Variants in MICAL2 observed in about 807,000 individuals in gnomAD.
MICAL2 encodes microtubule associated monooxygenase, calponin and LIM domain containing 2, also known as [F-actin]-monooxygenase MICAL2.
MICAL2 carries 77 observed loss-of-function variants against 127.3 expected under a neutral mutation model. The observed-to-expected ratio is 0.60, with a 90% confidence interval of 0.50 to 0.73. MICAL2 has a LOEUF of 0.73. Ranked by LOEUF, MICAL2 falls within the 30% of genes least tolerant of loss-of-function variation. The probability of loss-of-function intolerance (pLI) is 0.00; values close to 1 mark genes in which losing one functional copy is unlikely to be tolerated. For synonymous variants in MICAL2, 570 were observed against 551.1 expected (o/e 1.03, Z -0.48); for missense variants, 1,351 against 1,434.4 (o/e 0.94, Z 0.94).
At chr11:12,296,583 G>A (rs1311343959), downstream of MICAL2, among the ~76,000 whole-genome samples, 1 of 149,088 alleles carries the variant, frequency 6.7e-6, no homozygotes, top group Non-Finnish European at 1.5e-5. Context: ...AATGTGTTAT[G>A]CATTTTTTGA....
chr11:12,158,327 T>C (rs1400972918), intron 2 of MICAL2, among the ~76,000 whole-genome samples: 1 of 152,214 alleles, frequency 6.6e-6, no homozygotes, highest in East Asian at 1.9e-4. Flanking sequence ...TCTTTTGCCC[T>C]TCCTTTTGAT....
At chr11:12,272,306 C>T (rs1384492488), upstream of MICAL2, among the ~76,000 whole-genome samples, 4 of 152,220 alleles carry the variant, frequency 2.6e-5, no homozygotes, top group East Asian at 7.7e-4. Flanking sequence ...TGCCTTTAAC[C>T]CAAAGCTGCT....
At position 12,222,685 on chromosome 11, in the gene MICAL2, C is replaced by T. The variant is rs752066641; in HGVS notation, c.1391C>T (p.Thr464Met). ...ATCAACAAGAACTTTGAGCAGTACA[C>T]GTTGGACCCAGGGACACGGTACCCA... ...ENINKNFEQY[T>M]LDPGTRYPNL... Residue 464 changes from threonine (T) to methionine (M), a missense_variant, in exon 11 of 28, where the codon ACG becomes ATG. By Grantham distance (81) the Thr-to-Met change is moderately conservative. Around this residue, in one of 2 missense-constraint regions of MICAL2, gnomAD observed 599 missense variants for 714.9 expected, o/e 0.84. Transcript: ENST00000683283. 13 of 1,614,112 alleles carry T rather than the reference C, an allele frequency of 8.1e-6. No homozygotes were observed. In the Admixed American group the frequency reaches 1.3e-4, roughly 17 times the overall value.
intron 1 of MICAL2, among the ~76,000 whole-genome samples, chr11:12,136,261 C>T (rs1851826062): frequency 6.6e-6 from 1 of 152,144 alleles, no homozygotes; most frequent in Non-Finnish European, 1.5e-5. Flanking sequence ...AATATAGTGT[C>T]AGGGAGTGAG....
chr11:12,242,374 C>T lies in MICAL2; in HGVS notation c.2498C>T (p.Ala833Val), dbSNP rs763464953. The part of the protein sequence containing the change: ...FATLPSTRPR[A>V]QALSGVLWRL... ...ACCCTGCCTTCTACCCGCCCGAGGG[C>T]GCAGGCTCTTTCCGGGGTGCTGTGG... is the stretch of plus-strand genomic sequence containing the variant. Residue 833 changes from alanine (A) to valine (V), a missense_variant, in exon 19 of 28, where the codon GCG becomes GTG. By Grantham distance (64) the Ala-to-Val change is moderately conservative. This residue lies in a region of MICAL2 where 752 missense variants were observed against 719.4 expected (regional missense o/e 1.05). Coordinates refer to ENST00000683283, the MANE Select transcript of MICAL2 (RefSeq NM_001282663.2). The T allele has an allele frequency of 2.3e-5, 37 of 1,613,730 alleles. No homozygotes were observed. The highest frequency in any genetic ancestry group is 1.5e-4 in the South Asian group (14 of 91,062).
At chr11:12,308,858 G>A (rs972405673) in intron 29 of MICAL2, among the ~76,000 whole-genome samples, 1 of 152,198 alleles carries the variant, frequency 6.6e-6, no homozygotes, top group Non-Finnish European at 1.5e-5. Context: ...GTTTGCTGCA[G>A]ATTTCTTTTG....
intron 2 of MICAL2, among the ~76,000 whole-genome samples, chr11:12,284,619 T>C (rs1192962520): frequency 6.6e-6 from 1 of 152,212 alleles, no homozygotes; most frequent in Non-Finnish European, 1.5e-5. Flanking sequence ...TATGCAATTT[T>C]TTTTTTTAGA....
chr11:12,219,937 G>A (rs1410110295), intron 8 of MICAL2, among the ~76,000 whole-genome samples: 1 of 152,212 alleles, frequency 6.6e-6, no homozygotes, highest in Non-Finnish European at 1.5e-5. Flanking sequence ...TTTCTGATAA[G>A]GAGAGCTCTG....
At chr11:12,236,904 G>A (rs1326639366) in intron 16 of MICAL2, among the ~76,000 whole-genome samples, 2 of 152,202 alleles carry the variant, frequency 1.3e-5, no homozygotes, top group South Asian at 2.1e-4. Context: ...GCGAAGTGTG[G>A]GATGCCAGCT....
At chr11:12,252,132 T>A (rs1671159586) in intron 22 of MICAL2, among the ~76,000 whole-genome samples, 1 of 152,096 alleles carries the variant, frequency 6.6e-6, no homozygotes. Flanking sequence ...GTCCTTTGTA[T>A]CCTATAGCCC....
chr11:12,134,128 C>T (rs1163122044), intron 1 of MICAL2, among the ~76,000 whole-genome samples: 1 of 152,252 alleles, frequency 6.6e-6, no homozygotes, highest in African/African-American at 2.4e-5. Context: ...GATGATCATC[C>T]AGTTCCCAGT....
At chr11:12,315,124 A>T (rs1406928646) in intron 29 of MICAL2, among the ~76,000 whole-genome samples, 1 of 152,214 alleles carries the variant, frequency 6.6e-6, no homozygotes, top group Non-Finnish European at 1.5e-5. Flanking sequence ...ATAGACTGCA[A>T]GTTGACAGTA....
At chr11:12,335,423 A>ACAG (rs1408303569) in intron 32 of MICAL2, among the ~76,000 whole-genome samples, 5 of 151,922 alleles carry the variant, frequency 3.3e-5, no homozygotes, top group Admixed American at 3.3e-4. Context: ...CTCTGTTGGT[A>ACAG]GTTTCTTTTG....
At chr11:12,228,041 G>T (rs933181683) in intron 15 of MICAL2, among the ~76,000 whole-genome samples, 2 of 152,210 alleles carry the variant, frequency 1.3e-5, no homozygotes, top group African/African-American at 4.8e-5. Flanking sequence ...AGATAAAAAT[G>T]GAGGCCTATG....
chr11:12,295,441 C>CTTTTTTTTTTT (rs373402403), downstream of MICAL2, among the ~76,000 whole-genome samples: 1 of 126,380 alleles, frequency 7.9e-6, no homozygotes, highest in African/African-American at 2.9e-5. Flanking sequence ...TGCTCAGCCT[C>CTTTTTTTTTTT]TTTTTTTTTT....
intron 29 of MICAL2, among the ~76,000 whole-genome samples, chr11:12,311,321 G>C (rs1192010058): frequency 6.6e-6 from 1 of 151,942 alleles, no homozygotes; most frequent in Non-Finnish European, 1.5e-5. Context: ...TTATTTTTCA[G>C]AGTTTCACAC....
chr11:12,140,810 T>TGGCCTA (rs1852281031), intron 2 of MICAL2, among the ~76,000 whole-genome samples: 1 of 152,348 alleles, frequency 6.6e-6, no homozygotes, highest in South Asian at 2.1e-4. Context: ...TGCCCATGAA[T>TGGCCTA]AATACCTGTG....
chr11:12,222,861 T>C (rs1369360506), intron 11 of MICAL2, 118 bp downstream of exon 11: 1 of 1,322,212 alleles, frequency 7.6e-7, no homozygotes, highest in Non-Finnish European at 1.0e-6. Flanking sequence ...CACCAAGGCC[T>C]GCTGGCCTAA....
At chr11:12,189,493 G>T (rs1402804157) in intron 3 of MICAL2, among the ~76,000 whole-genome samples, 1 of 152,148 alleles carries the variant, frequency 6.6e-6, no homozygotes, top group African/African-American at 2.4e-5. Context: ...GTAGGATCAG[G>T]TATTACAGGG....
Sources: gnomAD v4.1 joint callset for allele counts (sites outside exome capture counted in the v4.1 genomes callset) on GRCh38, gnomAD v4.1.1 for gene constraint, gnomAD v4.1.1 regional missense constraint, MANE v1.5 for transcripts, NCBI Gene and HGNC (gene_info 2026-07-23, HGNC 2026-07-21) for gene names.